The following EPHA3 variants were observed in gnomAD, a reference collection of about 807,000 sequenced individuals.
EPHA3 encodes EPH receptor A3, also known as ephrin type-A receptor 3.
In EPHA3, 42 loss-of-function variants were observed where a neutral mutation model predicts 107.1. That is an observed-to-expected ratio of 0.39 (90% CI 0.31 to 0.51). The LOEUF is 0.51. Ranked by LOEUF, EPHA3 falls within the 20% of genes least tolerant of loss-of-function variation. The pLI is 0.78. For synonymous variants in EPHA3, 461 were observed against 424.8 expected, an observed-to-expected ratio of 1.09 and a Z score of -1.05; for missense variants, 1,183 against 1,211.2, an observed-to-expected ratio of 0.98 and a Z score of 0.35.
chr3:89,373,446 A>G (rs920516808), intron 5 of EPHA3, among the ~76,000 whole-genome samples: 3 of 151,890 alleles, frequency 2.0e-5, no homozygotes, highest in African/African-American at 7.2e-5. Context: ...ACCTCACAAA[A>G]CAAAACCCTG....
chr3:89,341,441 AAG>A (rs1707518632), intron 4 of EPHA3, among the ~76,000 whole-genome samples: 1 of 152,214 alleles, frequency 6.6e-6, no homozygotes, highest in African/African-American at 2.4e-5. Flanking sequence ...AAAAAGGACT[AAG>A]AGTTATAAAA....
At chr3:89,385,563 G>A (rs746449441) in intron 5 of EPHA3, among the ~76,000 whole-genome samples, 9 of 152,192 alleles carry the variant, frequency 5.9e-5, no homozygotes, top group Non-Finnish European at 1.0e-4. Context: ...CTGAAGAACT[G>A]TGAGTTGATT....
chr3:89,264,183 T>C (rs1705484482), intron 3 of EPHA3, among the ~76,000 whole-genome samples: 1 of 152,182 alleles, frequency 6.6e-6, no homozygotes, highest in South Asian at 2.1e-4. Flanking sequence ...AAAATGTCTT[T>C]TCATCTGTAA....
At chr3:89,284,574 G>T (rs1706032265) in intron 3 of EPHA3, among the ~76,000 whole-genome samples, 1 of 151,892 alleles carries the variant, frequency 6.6e-6, no homozygotes, top group Admixed American at 6.6e-5. Context: ...CCATACAAAT[G>T]ATTATTTAGA....
intron 5 of EPHA3, among the ~76,000 whole-genome samples, chr3:89,377,554 GA>G (rs1708425070): frequency 6.6e-6 from 1 of 152,126 alleles, no homozygotes; most frequent in African/African-American, 2.4e-5. Context: ...AACCACTCTA[GA>G]ATGTAAAGGG....
In EPHA3 at chr3:89,204,999, A is replaced by G. The variant is rs1376340590; in HGVS notation, c.154-4861A>G. Among the ~76,000 whole-genome samples, 3 of 152,326 alleles carry G rather than the reference A, an allele frequency of 2.0e-5. No homozygotes were observed. In the East Asian group the frequency reaches 5.8e-4, roughly 29 times the overall value. On this transcript the variant is annotated intron_variant, in intron 2 of 16. Coordinates refer to ENST00000336596, the MANE Select transcript of EPHA3 (RefSeq NM_005233.6). The stretch of plus-strand genomic sequence containing the variant: ...TTTCTTATAAACCATTGAAATGCAA[A>G]AATAATGTAAATGTAACAATATTGC...
At chr3:89,405,196 C>G (rs759950027) in intron 7 of EPHA3, among the ~76,000 whole-genome samples, 1 of 152,136 alleles carries the variant, frequency 6.6e-6, no homozygotes, top group Non-Finnish European at 1.5e-5. Flanking sequence ...AAGCCCCAGA[C>G]AGCAGTGCAG....
At chr3:89,133,750 T>G (rs1047981559) in intron 2 of EPHA3, among the ~76,000 whole-genome samples, 1 of 152,160 alleles carries the variant, frequency 6.6e-6, no homozygotes, top group African/African-American at 2.4e-5. Context: ...TTTCGATGCC[T>G]CTCATCAATT....
At chr3:89,190,161 C>T (rs1705674320) in intron 2 of EPHA3, among the ~76,000 whole-genome samples, 1 of 152,110 alleles carries the variant, frequency 6.6e-6, no homozygotes, top group African/African-American at 2.4e-5. Context: ...TGAAATCAGG[C>T]CACACTTTCC....
chr3:89,227,140 G>A, intron 3 of EPHA3, among the ~76,000 whole-genome samples: 1 of 151,914 alleles, frequency 6.6e-6, no homozygotes, highest in East Asian at 1.9e-4. Flanking sequence ...GTCCTGAATG[G>A]CATGTGTATT....
At position 89,279,389 on chromosome 3, in the gene EPHA3, A is replaced by G. The variant is rs182631253; in HGVS notation, c.815-61527A>G. Among the ~76,000 whole-genome samples, 213 of 152,286 alleles carry G rather than the reference A, an allele frequency of 1.4e-3. 2 individuals are homozygous for G. Among genetic ancestry groups the G allele is most frequent in the East Asian group, 5.6e-3 (29 of 5,186 alleles). The stretch of plus-strand genomic sequence containing the variant: ...TTTAATATTTATAATCATTGAATAC[A>G]TTATATTCATAATAACTTATGTTTG... On this transcript the variant is annotated intron_variant, in intron 3 of 16. Transcript: ENST00000336596.
chr3:89,388,184 G>A (rs543674352), intron 5 of EPHA3, among the ~76,000 whole-genome samples: 8 of 151,652 alleles, frequency 5.3e-5, no homozygotes, highest in African/African-American at 1.7e-4. Context: ...TTAATATCAC[G>A]GGCTAAATAG....
intron 3 of EPHA3, among the ~76,000 whole-genome samples, chr3:89,316,502 T>TA (rs1282767456): frequency 1.0e-3 from 102 of 98,510 alleles, no homozygotes; most frequent in South Asian, 2.7e-3. Context: ...TGTGTGTGTG[T>TA]GTAATATATA....
intron 15 of EPHA3, among the ~76,000 whole-genome samples, chr3:89,450,856 A>T (rs1263389513): frequency 6.6e-6 from 1 of 152,142 alleles, no homozygotes; most frequent in Non-Finnish European, 1.5e-5. Flanking sequence ...CAACGAGCTG[A>T]TATCATGCCA....
At chr3:89,140,822 A>G (rs1402506999) in intron 2 of EPHA3, among the ~76,000 whole-genome samples, 1 of 151,674 alleles carries the variant, frequency 6.6e-6, no homozygotes, top group African/African-American at 2.4e-5. Flanking sequence ...AGTACACTGA[A>G]ATTTGTTCAC....
Position 89,482,041 on chromosome 3 carries a change from T to C in EPHA3, c.*2539T>C, listed in dbSNP as rs567889561. 31 of 221,198 alleles carry C rather than the reference T, an allele frequency of 1.4e-4. No homozygotes were observed. The highest frequency in any genetic ancestry group is 6.5e-4 in the African/African-American group (29 of 44,852). The allele number at this position is 221,198 out of a possible 1,614,324, so 13.7% of individuals were successfully genotyped here. ...ATATTACTCAGTTTATGTTGTACAA[T>C]GTAGATGGCCTCTTACTAATGTAAA... On this transcript the variant is annotated 3_prime_UTR_variant, in exon 17 of 17. Transcript: ENST00000336596.
At chr3:89,193,157 T>C (rs975093676) in intron 2 of EPHA3, among the ~76,000 whole-genome samples, 2 of 152,082 alleles carry the variant, frequency 1.3e-5, no homozygotes, top group African/African-American at 4.8e-5. Context: ...TCTCTTTATG[T>C]AGGCCATTTG....
chr3:89,276,049 G>T (rs1473036184), intron 3 of EPHA3, among the ~76,000 whole-genome samples: 1 of 151,952 alleles, frequency 6.6e-6, no homozygotes, highest in Non-Finnish European at 1.5e-5. Context: ...AAAAAGCAGA[G>T]GTAGAAACAC....
chr3:89,205,040 A>G (rs1036271735), intron 2 of EPHA3, among the ~76,000 whole-genome samples: 2 of 152,182 alleles, frequency 1.3e-5, no homozygotes, highest in Admixed American at 1.3e-4. Flanking sequence ...CATTTCCCTT[A>G]TATTGTCATC....
Sources: gnomAD v4.1 joint callset for allele counts (sites outside exome capture counted in the v4.1 genomes callset) on GRCh38, gnomAD v4.1.1 for gene constraint, MANE v1.5 for transcripts, NCBI Gene and HGNC (gene_info 2026-07-23, HGNC 2026-07-21) for gene names.